The following MAF variants were observed in gnomAD, a reference collection of about 807,000 sequenced individuals.
The protein encoded by MAF is transcription factor Maf.
Under a neutral mutation model 22.0 loss-of-function variants are expected in MAF, and 10 were observed. The observed-to-expected ratio is 0.45, with a 90% confidence interval of 0.28 to 0.77. MAF has a LOEUF of 0.77. MAF is among the 30% of genes least tolerant of loss of function. The pLI is 0.12. For missense variants in MAF, 544 were observed against 548.4 expected, an observed-to-expected ratio of 0.99 and a Z score of 0.08; for synonymous variants, 337 against 255.8, an observed-to-expected ratio of 1.32 and a Z score of -3.03.
chr16:79,559,076 G>A, the MAF span, among the ~76,000 whole-genome samples: 1 of 152,062 alleles, frequency 6.6e-6, no homozygotes, highest in South Asian at 2.1e-4. Context: ...TGATCTAATT[G>A]CCGTTTCTGA....
chr16:79,208,641 T>A, the MAF span, among the ~76,000 whole-genome samples: 1 of 151,344 alleles, frequency 6.6e-6, no homozygotes, highest in Non-Finnish European at 1.5e-5. Flanking sequence ...ATTTTTTTTT[T>A]AATCAGTTTA....
the MAF span, among the ~76,000 whole-genome samples, chr16:79,526,064 A>G: frequency 1.3e-5 from 2 of 152,328 alleles, no homozygotes; most frequent in East Asian, 3.9e-4. Flanking sequence ...ATGAATTAAC[A>G]TCATTCAGTT....
chr16:79,271,907 C>T, the MAF span, among the ~76,000 whole-genome samples: 1 of 152,228 alleles, frequency 6.6e-6, no homozygotes, highest in East Asian at 1.9e-4. Flanking sequence ...CCTGACCCCT[C>T]TGCCTCCCCT....
the MAF span, among the ~76,000 whole-genome samples, chr16:79,481,331 T>G: frequency 2.0e-5 from 3 of 152,104 alleles, no homozygotes; most frequent in East Asian, 5.8e-4. Flanking sequence ...CTAAGTTATT[T>G]ATAGAGTTGT....
chr16:79,600,232 C>T lies in MAF; in HGVS notation c.-330G>A, dbSNP rs1197016132. The T allele has an allele frequency of 3.7e-6, 1 of 273,170 alleles. No individual in the cohort carries two copies. The highest frequency in any genetic ancestry group is 5.6e-5 in the Admixed American group (1 of 17,802). 16.9% of individuals were successfully genotyped at this position (273,170 alleles called of 1,614,324 possible). ...GAAGATCCTCCGCGAGCTGCGGTGGCGGCGGTGGTGGCTGCGGCGGCGAAG... is the reference window on the plus strand; with the variant it reads ...GAAGATCCTCCGCGAGCTGCGGTGGTGGCGGTGGTGGCTGCGGCGGCGAAG... On this transcript the variant is annotated 5_prime_UTR_variant, in exon 1 of 2. Transcript: ENST00000326043.
the MAF span, among the ~76,000 whole-genome samples, chr16:79,362,618 T>A: frequency 6.6e-6 from 1 of 152,224 alleles, no homozygotes; most frequent in Non-Finnish European, 1.5e-5. Flanking sequence ...GAAAACGGAA[T>A]ATTCTGAAAG....
chr16:79,395,367 G>T, the MAF span, among the ~76,000 whole-genome samples: 1 of 152,174 alleles, frequency 6.6e-6, no homozygotes, highest in Non-Finnish European at 1.5e-5. Context: ...GGGGTACCAG[G>T]TTGAATAGGG....
the MAF span, among the ~76,000 whole-genome samples, chr16:79,577,367 G>A: frequency 4.6e-5 from 7 of 152,190 alleles, no homozygotes; most frequent in African/African-American, 1.7e-4. Context: ...TCGAGATAGT[G>A]TCTATCTAGA....
chr16:79,333,665 T>G, the MAF span, among the ~76,000 whole-genome samples: 6 of 152,206 alleles, frequency 3.9e-5, no homozygotes, highest in Non-Finnish European at 2.9e-5. Flanking sequence ...GAAGAGACAA[T>G]CTAACGCTGG....
At chr16:79,229,515 A>C in the MAF span, 7 of 152,108 alleles carry the variant, frequency 4.6e-5, no homozygotes, top group Non-Finnish European at 8.8e-5. Flanking sequence ...GACTCATAAA[A>C]GTGTCAGAAC....
At chr16:79,401,691 A>G in the MAF span, among the ~76,000 whole-genome samples, 1 of 152,212 alleles carries the variant, frequency 6.6e-6, no homozygotes, top group African/African-American at 2.4e-5. Context: ...ATAATAATCA[A>G]TGAAATTTTC....
At chr16:79,351,735 G>A in the MAF span, among the ~76,000 whole-genome samples, 2 of 151,994 alleles carry the variant, frequency 1.3e-5, no homozygotes, top group East Asian at 3.9e-4. Flanking sequence ...ACTGAGGTGT[G>A]GCAGGAAGTG....
chr16:79,421,170 A>T, the MAF span, among the ~76,000 whole-genome samples: 1 of 152,234 alleles, frequency 6.6e-6, no homozygotes, highest in East Asian at 1.9e-4. Flanking sequence ...GTATGTACGT[A>T]CAAGAGAAAA....
chr16:79,300,528 C>G, the MAF span, among the ~76,000 whole-genome samples: 1 of 151,594 alleles, frequency 6.6e-6, no homozygotes. Context: ...GCACTCCAGC[C>G]TGGTGACAGA....
the MAF span, among the ~76,000 whole-genome samples, chr16:79,506,689 T>C: frequency 6.6e-5 from 10 of 152,198 alleles, 1 homozygote; most frequent in Admixed American, 6.5e-4. Context: ...ACTCATGCTG[T>C]GTGCATGGTG....
At chr16:79,590,262 G>A (rs1167940239), downstream of MAF, among the ~76,000 whole-genome samples, 1 of 152,120 alleles carries the variant, frequency 6.6e-6, no homozygotes, top group African/African-American at 2.4e-5. Flanking sequence ...AAATGGGAGA[G>A]GGGACAAACT....
the MAF span, among the ~76,000 whole-genome samples, chr16:79,302,050 C>G: frequency 6.6e-6 from 1 of 152,216 alleles, no homozygotes; most frequent in African/African-American, 2.4e-5. Flanking sequence ...AGATGGACTT[C>G]CGCGGAGGGC....
chr16:79,300,859 A>C, the MAF span, among the ~76,000 whole-genome samples: 8 of 152,188 alleles, frequency 5.3e-5, no homozygotes, highest in Non-Finnish European at 8.8e-5. Context: ...AATGTCAATA[A>C]AAATTTACTA....
the MAF span, among the ~76,000 whole-genome samples, chr16:79,261,797 A>T: frequency 6.6e-6 from 1 of 152,186 alleles, no homozygotes; most frequent in Non-Finnish European, 1.5e-5. Flanking sequence ...AGACAATTTC[A>T]TTGACACTCC....
Sources: allele counts gnomAD v4.1 joint callset (sites outside exome capture counted in the v4.1 genomes callset), GRCh38; gene constraint gnomAD v4.1.1; transcripts MANE v1.5; gene names NCBI Gene and HGNC (gene_info 2026-07-23, HGNC 2026-07-21).